MECOM: variants seen among roughly 807,000 people sequenced by gnomAD.
MECOM encodes the protein histone-lysine N-methyltransferase MECOM.
A neutral mutation model predicts 116.3 loss-of-function variants in MECOM; 13 were observed. That is an observed-to-expected ratio of 0.11 (90% confidence interval 0.07 to 0.18). The LOEUF is 0.18. Among genes scored for constraint, MECOM ranks in the 10% least tolerant of loss-of-function variants. The pLI is 1.00. For synonymous variants in MECOM, 528 were observed against 535.2 expected (o/e 0.99, Z 0.19); for missense variants, 1,299 against 1,509.0 (o/e 0.86, Z 2.31).
Position 169,277,561 on chromosome 3 carries a change from C to G in MECOM, c.375+103626G>C, listed in dbSNP as rs78732273. 4.6e-3 allele frequency among the ~76,000 whole-genome samples: 705 copies of G among 152,288 alleles called. 7 individuals carry two copies. Among genetic ancestry groups the G allele is most frequent in the African/African-American group, 0.015 (615 of 41,566 alleles). On this transcript the variant is annotated intron_variant, in intron 2 of 16. Coordinates refer to ENST00000651503, the MANE Select transcript of MECOM (RefSeq NM_004991.4). ...TCTCCCAGTTGAGCACAGAGCCAGTCCCCTAACCTCCCTATACCAGGGACT... is the reference window on the plus strand; with the variant it reads ...TCTCCCAGTTGAGCACAGAGCCAGTGCCCTAACCTCCCTATACCAGGGACT...
intron 2 of MECOM, among the ~76,000 whole-genome samples, chr3:169,287,822 T>C (rs1481632144): frequency 6.6e-6 from 1 of 152,136 alleles, no homozygotes; most frequent in Non-Finnish European, 1.5e-5. Context: ...AGCAGGGCCC[T>C]TGTATAGGAG....
At chr3:169,528,337 C>T (rs777735965) in intron 1 of MECOM, among the ~76,000 whole-genome samples, 2 of 152,134 alleles carry the variant, frequency 1.3e-5, no homozygotes, top group South Asian at 2.1e-4. Context: ...AAACATAGAA[C>T]ATAAGAGCCT....
intron 1 of MECOM, among the ~76,000 whole-genome samples, chr3:169,566,873 T>A (rs1324111448): frequency 2.0e-5 from 3 of 152,244 alleles, no homozygotes; most frequent in African/African-American, 7.2e-5. Context: ...CCAACTTTCT[T>A]AAAATGTCAT....
intron 1 of MECOM, among the ~76,000 whole-genome samples, chr3:169,586,320 C>A (rs1765773453): frequency 6.6e-6 from 1 of 152,144 alleles, no homozygotes; most frequent in African/African-American, 2.4e-5. Context: ...TTTCCCATAC[C>A]TTTATATTTT....
At chr3:169,332,704 G>T (rs958077547) in intron 2 of MECOM, among the ~76,000 whole-genome samples, 2 of 152,100 alleles carry the variant, frequency 1.3e-5, no homozygotes, top group Non-Finnish European at 2.9e-5. Flanking sequence ...TTCAAAAAAT[G>T]ATAAAAATCT....
In MECOM at chr3:169,086,772, C is replaced by T. The variant is rs187990196; in HGVS notation, c.3586-1729G>A. On this transcript the variant is annotated intron_variant, in intron 16 of 16. Coordinates refer to ENST00000651503, the MANE Select transcript of MECOM (RefSeq NM_004991.4). Reference sequence around the variant, plus strand: ...ATGCAGCTACTATTGTACTGGTCAACTATTTTCAATTCAATCACTATAAAA... The same window carrying T: ...ATGCAGCTACTATTGTACTGGTCAATTATTTTCAATTCAATCACTATAAAA... Among the ~76,000 whole-genome samples, 15 of 152,242 alleles carry T rather than the reference C, an allele frequency of 9.9e-5. No individual in the cohort carries two copies. The East Asian group carries it at 2.7e-3, about 27-fold the overall frequency.
At chr3:169,428,687 T>G (rs923929610) in intron 1 of MECOM, among the ~76,000 whole-genome samples, 1 of 152,234 alleles carries the variant, frequency 6.6e-6, no homozygotes, top group Admixed American at 6.5e-5. Flanking sequence ...GTACCTTTTT[T>G]CTACTTGCAA....
chr3:169,405,202 C>G (rs1389121410), intron 1 of MECOM, among the ~76,000 whole-genome samples: 3 of 152,126 alleles, frequency 2.0e-5, no homozygotes, highest in African/African-American at 4.8e-5. Context: ...CTCTCTCTCT[C>G]TCTGTCTCTC....
At chr3:169,229,024 A>G (rs760336811) in intron 2 of MECOM, among the ~76,000 whole-genome samples, 1 of 152,218 alleles carries the variant, frequency 6.6e-6, no homozygotes, top group Non-Finnish European at 1.5e-5. Context: ...AATGCTGATT[A>G]TATGGCCCAA....
At chr3:169,283,250 C>T (rs1560085752) in intron 2 of MECOM, among the ~76,000 whole-genome samples, 1 of 152,018 alleles carries the variant, frequency 6.6e-6, no homozygotes, top group Non-Finnish European at 1.5e-5. Context: ...TGCCTGTAAT[C>T]CCAGCATTTT....
intron 1 of MECOM, among the ~76,000 whole-genome samples, chr3:169,505,872 G>A (rs758191878): frequency 1.3e-5 from 2 of 152,236 alleles, no homozygotes; most frequent in South Asian, 2.1e-4. Flanking sequence ...GTGGAACTGC[G>A]GGTCTTGAAA....
intron 3 of MECOM, among the ~76,000 whole-genome samples, chr3:169,138,950 C>T (rs1560253924): frequency 6.6e-6 from 1 of 152,042 alleles, no homozygotes; most frequent in Non-Finnish European, 1.5e-5. Flanking sequence ...TAATCATTCA[C>T]GTGGACCTAA....
rs1416218316 is a variant in MECOM at position 169,121,114 on chromosome 3, G to A, written c.1074C>T (p.Ala358=). 6.2e-7 allele frequency: 1 copy of A among 1,613,524 alleles called. No homozygotes were observed. Among genetic ancestry groups the A allele is most frequent in the African/African-American group, 1.3e-5 (1 of 74,912 alleles). ...HACPECGKTF[A]TSSGLKQHKH... The stretch of plus-strand genomic sequence containing the variant: ...TGTGTTGTTTGAGGCCCGACGAAGT[G>A]GCAAACGTTTTGCCACACTCCGGGC... Residue 358 remains alanine (A), a synonymous_variant, in exon 7 of 17, where the codon GCC becomes GCT. Transcript: ENST00000651503.
In MECOM at chr3:169,262,042, C is replaced by T. The variant is rs146851190; in HGVS notation, c.376-118210G>A. Among the ~76,000 whole-genome samples the T allele has an allele frequency of 8.4e-4, 128 of 152,302 alleles. 1 individual carries two copies. The highest frequency in any genetic ancestry group is 2.9e-3 in the African/African-American group (120 of 41,572). ...TGCTCAAATGTTTATGGAACGTCTA[C>T]CCTGTGCCACGCCCCAATCTAGGAG... is the stretch of plus-strand genomic sequence containing the variant. On this transcript the variant is annotated intron_variant, in intron 2 of 16. Transcript: ENST00000651503.
intron 16 of MECOM, among the ~76,000 whole-genome samples, chr3:169,087,437 A>G (rs532842764): frequency 6.6e-6 from 1 of 152,184 alleles, no homozygotes; most frequent in South Asian, 2.1e-4. Context: ...TCTCTACACA[A>G]AATTGAAAAA....
chr3:169,433,689 G>GAA (rs762521796), intron 1 of MECOM, among the ~76,000 whole-genome samples: 4,206 of 96,212 alleles, frequency 0.044, 76 homozygotes, highest in African/African-American at 0.081. Context: ...AAGAAAGAAA[G>GAA]AGAAAGAAAG....
chr3:169,575,756 T>C (rs1764414979), intron 1 of MECOM, among the ~76,000 whole-genome samples: 2 of 152,030 alleles, frequency 1.3e-5, no homozygotes, highest in Admixed American at 1.3e-4. Flanking sequence ...GACAAAGATA[T>C]CAGTTAAGGG....
chr3:169,384,418 A>G (rs1264348823), intron 1 of MECOM, among the ~76,000 whole-genome samples: 1 of 152,176 alleles, frequency 6.6e-6, no homozygotes, highest in Non-Finnish European at 1.5e-5. Context: ...AAACATACTC[A>G]ACAAAATCCA....
intron 2 of MECOM, among the ~76,000 whole-genome samples, chr3:169,276,225 C>T (rs1490469355): frequency 6.6e-6 from 1 of 152,086 alleles, no homozygotes; most frequent in South Asian, 2.1e-4. Context: ...ATAATCTTAA[C>T]ACACAAGTAA....
Sources: allele counts gnomAD v4.1 joint callset (sites outside exome capture counted in the v4.1 genomes callset), GRCh38; gene constraint gnomAD v4.1.1; transcripts MANE v1.5; gene names NCBI Gene and HGNC (gene_info 2026-07-23, HGNC 2026-07-21).